The following PDE1A variants were observed in gnomAD, a reference collection of about 807,000 sequenced individuals.
PDE1A encodes dual specificity calcium/calmodulin-dependent 3',5'-cyclic nucleotide phosphodiesterase 1A.
PDE1A carries 35 observed loss-of-function variants against 61.7 expected under a neutral mutation model. The ratio of observed to expected loss-of-function variants is 0.57; its 90% CI spans 0.43 to 0.75. The LOEUF is 0.75. PDE1A is among the 30% of genes least tolerant of loss of function. The pLI is 0.00. For missense variants in PDE1A, 597 were observed against 630.6 expected, an observed-to-expected ratio of 0.95 and a Z score of 0.57; for synonymous variants, 232 against 213.2, an observed-to-expected ratio of 1.09 and a Z score of -0.77.
intron 10 of PDE1A, among the ~76,000 whole-genome samples, chr2:182,196,445 T>TA (rs1329962777): frequency 2.0e-5 from 3 of 151,926 alleles, no homozygotes; most frequent in African/African-American, 7.2e-5. Context: ...GTAATTTTTT[T>TA]AGGGTCTTCT....
chr2:182,220,417 C>T (rs1688621157), intron 7 of PDE1A, among the ~76,000 whole-genome samples: 1 of 152,052 alleles, frequency 6.6e-6, no homozygotes, highest in Non-Finnish European at 1.5e-5. Context: ...CCAAGCATCA[C>T]CATCTACTCT....
chr2:182,551,447 G>C, the PDE1A span, among the ~76,000 whole-genome samples: 1 of 152,130 alleles, frequency 6.6e-6, no homozygotes, highest in South Asian at 2.1e-4. Context: ...AGTGGGTGTC[G>C]TGGAATTTGG....
chr2:182,270,192 T>C (rs1424257159), intron 1 of PDE1A, among the ~76,000 whole-genome samples: 1 of 152,126 alleles, frequency 6.6e-6, no homozygotes, highest in Non-Finnish European at 1.5e-5. Context: ...AAAATAGCAA[T>C]ACCATCTTTG....
intron 2 of PDE1A, among the ~76,000 whole-genome samples, chr2:182,260,213 G>T (rs1692124556): frequency 6.6e-6 from 1 of 151,994 alleles, no homozygotes; most frequent in Admixed American, 6.6e-5. Flanking sequence ...GCTTTATTTT[G>T]TGCTGACTTT....
intron 13 of PDE1A, among the ~76,000 whole-genome samples, chr2:182,182,011 T>G (rs1297770384): frequency 6.6e-6 from 1 of 152,198 alleles, no homozygotes; most frequent in Admixed American, 6.5e-5. Flanking sequence ...ATAAATCAAT[T>G]TTACTGTTTT....
chr2:182,527,315 AAAAAAAAAAAAAATAT>A (rs1248795402), upstream of PDE1A, among the ~76,000 whole-genome samples: 2 of 50,864 alleles, frequency 3.9e-5, no homozygotes, highest in African/African-American at 1.8e-4. Context: ...AAAAAAAAAA[AAAAAAAAAAAAAATAT>A]ATATATATAT....
intron 13 of PDE1A, among the ~76,000 whole-genome samples, chr2:182,150,263 T>C (rs10181526): frequency 0.7 from 106,115 of 152,010 alleles, 37,391 homozygotes; most frequent in East Asian, 0.9. Flanking sequence ...CCTCTCTATA[T>C]AACTCTGGAT....
exon 10 of PDE1A, chr2:182,201,493 G>T: frequency 6.2e-7 from 1 of 1,614,052 alleles, no homozygotes; most frequent in Non-Finnish European, 8.5e-7. Flanking sequence ...GCAGCTTCCA[G>T]GATTTGGCTG....
At chr2:182,675,917 T>C in the PDE1A span, among the ~76,000 whole-genome samples, 3 of 152,174 alleles carry the variant, frequency 2.0e-5, no homozygotes, top group East Asian at 1.9e-4. Context: ...ATTTACTCTG[T>C]TGATAATTTC....
At chr2:182,448,023 C>T (rs889588022) in intron 2 of PDE1A, among the ~76,000 whole-genome samples, 2 of 152,034 alleles carry the variant, frequency 1.3e-5, no homozygotes, top group African/African-American at 4.8e-5. Flanking sequence ...GTTTCACAAC[C>T]CTGGCGTTAC....
chr2:182,447,404 T>G lies in PDE1A; in HGVS notation c.101+74872A>C, dbSNP rs554404965. 2.0e-5 allele frequency among the ~76,000 whole-genome samples: 3 copies of G among 152,176 alleles called. No homozygotes were observed. In the South Asian group the frequency reaches 6.2e-4, roughly 32 times the overall value. ...CCATTCTTGCCAAATTCTGACACTTTCCAGTGACCTTCCTGATTACCAGCT... is the reference window on the plus strand; with the variant it reads ...CCATTCTTGCCAAATTCTGACACTTGCCAGTGACCTTCCTGATTACCAGCT... On this transcript the variant is annotated intron_variant, in intron 2 of 14. Transcript: ENST00000410103.
the PDE1A span, among the ~76,000 whole-genome samples, chr2:182,551,514 T>C: frequency 1.3e-5 from 2 of 152,106 alleles, no homozygotes; most frequent in African/African-American, 4.8e-5. Context: ...GAGAAGACAA[T>C]GCCTACTCCC....
At chr2:182,288,356 T>C (rs893233630) in intron 1 of PDE1A, among the ~76,000 whole-genome samples, 2 of 152,100 alleles carry the variant, frequency 1.3e-5, no homozygotes, top group South Asian at 4.1e-4. Context: ...AATTTACAAA[T>C]CACAGTGTAA....
chr2:182,192,665 G>A (rs1163768625), intron 10 of PDE1A, among the ~76,000 whole-genome samples: 1 of 152,102 alleles, frequency 6.6e-6, no homozygotes, highest in Non-Finnish European at 1.5e-5. Context: ...GCTGCCTTCA[G>A]GGGGCCAAAA....
chr2:182,477,600 C>T (rs990021628), intron 2 of PDE1A, among the ~76,000 whole-genome samples: 2 of 151,842 alleles, frequency 1.3e-5, no homozygotes, highest in Non-Finnish European at 2.9e-5. Context: ...GAAAACACAG[C>T]GTGTAGGGTT....
At chr2:182,417,308 G>A (rs572930074) in intron 1 of PDE1A, among the ~76,000 whole-genome samples, 3 of 152,234 alleles carry the variant, frequency 2.0e-5, no homozygotes, top group Admixed American at 2.0e-4. Context: ...CCCTTCTTCT[G>A]TCACTGTACT....
chr2:182,459,327 G>A (rs530623655), intron 2 of PDE1A, among the ~76,000 whole-genome samples: 25 of 152,180 alleles, frequency 1.6e-4, no homozygotes, highest in African/African-American at 5.8e-4. Flanking sequence ...AATGTTATAA[G>A]CCTCCCCCTT....
At chr2:182,700,532 G>C in the PDE1A span, among the ~76,000 whole-genome samples, 4 of 151,736 alleles carry the variant, frequency 2.6e-5, no homozygotes, top group African/African-American at 9.7e-5. Flanking sequence ...GACCATCCTG[G>C]CCAACACGGT....
downstream of PDE1A, among the ~76,000 whole-genome samples, chr2:182,163,330 A>G (rs1691487478): frequency 1.3e-5 from 2 of 152,166 alleles, no homozygotes; most frequent in Admixed American, 1.3e-4. Context: ...GGCCAGCAAT[A>G]TACCTTTGCC....
Sources: gnomAD v4.1 joint callset for allele counts (sites outside exome capture counted in the v4.1 genomes callset) on GRCh38, gnomAD v4.1.1 for gene constraint, MANE v1.5 for transcripts, NCBI Gene and HGNC (gene_info 2026-07-23, HGNC 2026-07-21) for gene names.